Variants in PKP4 observed in about 807,000 individuals in gnomAD.
PKP4 encodes the protein plakophilin-4.
PKP4 carries 90 observed loss-of-function variants against 145.1 expected under a neutral mutation model. The ratio of observed to expected loss-of-function variants is 0.62; its 90% CI spans 0.52 to 0.74. The LOEUF (loss-of-function observed/expected upper bound fraction) is 0.74. PKP4 is among the 30% of genes least tolerant of loss of function. The pLI is 0.00. For synonymous variants in PKP4, 563 were observed against 577.2 expected (o/e 0.98, Z 0.35); for missense variants, 1,340 against 1,482.7 (o/e 0.90, Z 1.58).
chr2:158,661,308 G>A, intron 12 of PKP4, 25 bp from the exon 13 acceptor site: 4 of 1,542,550 alleles, frequency 2.6e-6, no homozygotes, highest in Non-Finnish European at 2.7e-6. Context: ...CATCTCAGCA[G>A]CTCCTCCTGT....
intron 11 of PKP4, among the ~76,000 whole-genome samples, chr2:158,646,504 G>A (rs929390): frequency 0.45 from 67,793 of 151,984 alleles, 16,377 homozygotes; most frequent in South Asian, 0.66. Context: ...GTGTGTACAT[G>A]TATTTATAGT....
intron 1 of PKP4, among the ~76,000 whole-genome samples, chr2:158,498,304 A>T (rs765130047): frequency 1.6e-4 from 24 of 152,264 alleles, no homozygotes; most frequent in Admixed American, 8.5e-4. Flanking sequence ...CACATTTTTT[A>T]GTCAATGTAA....
intron 1 of PKP4, among the ~76,000 whole-genome samples, chr2:158,507,584 G>A (rs924894907): frequency 6.6e-6 from 1 of 152,090 alleles, no homozygotes; most frequent in African/African-American, 2.4e-5. Flanking sequence ...TGGATTACAG[G>A]TCTTGACAGA....
chr2:158,511,401 A>C (rs1247275221), intron 1 of PKP4, among the ~76,000 whole-genome samples: 2 of 152,130 alleles, frequency 1.3e-5, no homozygotes, highest in Non-Finnish European at 2.9e-5. Context: ...AAAAAAGTTA[A>C]GTTGGTGCTC....
chr2:158,631,152 G>C (rs891872846), intron 7 of PKP4, among the ~76,000 whole-genome samples: 1 of 152,076 alleles, frequency 6.6e-6, no homozygotes, highest in African/African-American at 2.4e-5. Flanking sequence ...GTGTTAGCCA[G>C]GTTGATCTCG....
intron 3 of PKP4, among the ~76,000 whole-genome samples, chr2:158,593,174 G>C (rs528501906): frequency 1.3e-5 from 2 of 152,252 alleles, no homozygotes; most frequent in Admixed American, 6.5e-5. Context: ...GCATTTTGTA[G>C]ACCATGGACA....
At chr2:158,586,437 A>AT (rs2048810003) in intron 3 of PKP4, among the ~76,000 whole-genome samples, 1 of 152,058 alleles carries the variant, frequency 6.6e-6, no homozygotes, top group African/African-American at 2.4e-5. Context: ...TTTAGTTTTA[A>AT]TTTTTTAGTG....
intron 1 of PKP4, among the ~76,000 whole-genome samples, chr2:158,530,108 G>C (rs906417928): frequency 2.6e-5 from 4 of 152,170 alleles, no homozygotes; most frequent in African/African-American, 9.7e-5. Flanking sequence ...CCCCACTAGA[G>C]TTTGGGCAAC....
intron 11 of PKP4, among the ~76,000 whole-genome samples, chr2:158,649,327 G>T (rs2055128905): frequency 6.6e-6 from 1 of 152,048 alleles, no homozygotes; most frequent in South Asian, 2.1e-4. Flanking sequence ...CCACTGAGAA[G>T]GGCTGAACAG....
intron 12 of PKP4, 49 bp from the exon 13 acceptor site, chr2:158,661,271 GTCCACGTGGCTGA>G: frequency 4.1e-6 from 5 of 1,218,076 alleles, no homozygotes; most frequent in Non-Finnish European, 6.1e-6. Flanking sequence ...TTAAGGTTAA[GTCCACGTGGCTGA>G]TGAGTGCATG....
intron 11 of PKP4, among the ~76,000 whole-genome samples, chr2:158,645,514 T>A (rs1168484641): frequency 6.6e-6 from 1 of 152,210 alleles, no homozygotes; most frequent in African/African-American, 2.4e-5. Flanking sequence ...TCCTGTGTCA[T>A]GTCCAGTTGT....
At chr2:158,617,419 T>A (rs2051748079) in intron 4 of PKP4, among the ~76,000 whole-genome samples, 1 of 152,242 alleles carries the variant, frequency 6.6e-6, no homozygotes, top group Non-Finnish European at 1.5e-5. Context: ...AAAATGTCTC[T>A]TGATTTCTTA....
At position 158,676,732 on chromosome 2, in the gene PKP4, C is replaced by A; in HGVS notation, c.3128-7C>A. ...CTCTTTCTCTCCTCCTTTGCCTCTCCCTTCAGTCGGCAGCACCTCTTCCTC... is the reference window on the plus strand; with the variant it reads ...CTCTTTCTCTCCTCCTTTGCCTCTCACTTCAGTCGGCAGCACCTCTTCCTC... On this transcript the variant is annotated splice_polypyrimidine_tract_variant and splice_region_variant and intron_variant, in intron 19 of 21. Coordinates refer to ENST00000389759, the MANE Select transcript of PKP4 (RefSeq NM_003628.6). 1 of 1,614,104 alleles carries A rather than the reference C, an allele frequency of 6.2e-7. No individual in the cohort carries two copies.
chr2:158,636,176 A>G (rs902917287), intron 9 of PKP4, among the ~76,000 whole-genome samples: 1 of 152,096 alleles, frequency 6.6e-6, no homozygotes, highest in East Asian at 1.9e-4. Context: ...CTTTGGCCTA[A>G]AGAACTTCCT....
rs960185952 is a variant in PKP4 at position 158,464,040 on chromosome 2, C to T, written c.-6+6822C>T. On this transcript the variant is annotated intron_variant, in intron 1 of 21. Transcript: ENST00000389759. ...ACTTGTCTACAACCAGTCCCCTGTG[C>T]ACATTGGAGGCTTCACCTCTGATTG... 3.3e-5 allele frequency among the ~76,000 whole-genome samples: 5 copies of T among 152,260 alleles called. No individual in the cohort carries two copies. The East Asian group carries it at 7.7e-4, about 24-fold the overall frequency.
intron 11 of PKP4, among the ~76,000 whole-genome samples, chr2:158,657,066 G>A (rs892508132): frequency 8.5e-5 from 13 of 152,178 alleles, no homozygotes; most frequent in African/African-American, 3.1e-4. Flanking sequence ...TTGTGTGTTG[G>A]TAGTTGTGAA....
intron 15 of PKP4, 135 bp from the exon 16 acceptor site, chr2:158,666,278 C>A: frequency 1.3e-6 from 1 of 750,072 alleles, no homozygotes; most frequent in Non-Finnish European, 1.9e-6. Context: ...ACTGACACCA[C>A]AGATTTGATC....
At chr2:158,655,175 A>G (rs982093100) in intron 11 of PKP4, among the ~76,000 whole-genome samples, 5 of 152,212 alleles carry the variant, frequency 3.3e-5, no homozygotes, top group Admixed American at 1.3e-4. Context: ...CATTGTTTAC[A>G]TTGATTTATG....
At chr2:158,502,436 T>G (rs754725267) in intron 1 of PKP4, among the ~76,000 whole-genome samples, 7 of 152,194 alleles carry the variant, frequency 4.6e-5, no homozygotes, top group Non-Finnish European at 8.8e-5. Flanking sequence ...GCTGGAAATT[T>G]TAGCTTAAAT....
Sources: gnomAD v4.1 joint callset for allele counts (sites outside exome capture counted in the v4.1 genomes callset) on GRCh38, gnomAD v4.1.1 for gene constraint, MANE v1.5 for transcripts, NCBI Gene and HGNC (gene_info 2026-07-23, HGNC 2026-07-21) for gene names.